WWOX: variants seen among roughly 807,000 people sequenced by gnomAD.
The protein encoded by WWOX is WW domain containing oxidoreductase.
In WWOX, 69 loss-of-function variants were observed where a neutral mutation model predicts 46.2. The ratio of observed to expected loss-of-function variants is 1.49; its 90% CI spans 1.23 to 1.82. The LOEUF (loss-of-function observed/expected upper bound fraction) is 1.82, where lower values mean the gene tolerates loss of function less well. Among genes scored for constraint, WWOX ranks in the 40% most tolerant of loss-of-function variants. The probability of loss-of-function intolerance (pLI) is 0.00; values close to 1 mark genes in which losing one functional copy is unlikely to be tolerated. For missense variants in WWOX, 919 were observed against 542.6 expected (o/e 1.69, Z -6.89); for synonymous variants, 359 against 202.6 (o/e 1.77, Z -6.56).
intron 8 of WWOX, among the ~76,000 whole-genome samples, chr16:79,148,088 A>G (rs1316720560): frequency 2.6e-5 from 4 of 152,162 alleles, no homozygotes; most frequent in Non-Finnish European, 4.4e-5. Flanking sequence ...ATGAGGTCCA[A>G]TTTATCAATT....
intron 8 of WWOX, among the ~76,000 whole-genome samples, chr16:78,956,178 C>T (rs981787937): frequency 6.6e-6 from 1 of 151,858 alleles, no homozygotes; most frequent in East Asian, 2.0e-4. Context: ...TGGAGTCTTG[C>T]TCTGTCACCC....
At chr16:78,426,334 C>T (rs951575153) in intron 7 of WWOX, among the ~76,000 whole-genome samples, 3 of 152,080 alleles carry the variant, frequency 2.0e-5, no homozygotes, top group African/African-American at 7.2e-5. Flanking sequence ...GAGGGCACCA[C>T]GGGATATGTT....
chr16:79,049,190 C>A (rs2048120799), intron 8 of WWOX, among the ~76,000 whole-genome samples: 1 of 152,212 alleles, frequency 6.6e-6, no homozygotes, highest in Non-Finnish European at 1.5e-5. Context: ...CAGTGTAACT[C>A]AAAAGCAGCC....
At chr16:78,802,055 G>T (rs118006985) in intron 8 of WWOX, among the ~76,000 whole-genome samples, 2,543 of 152,122 alleles carry the variant, frequency 0.017, 24 homozygotes, top group Non-Finnish European at 0.024. Context: ...GGCTCTGCTG[G>T]TTATTATTAT....
intron 8 of WWOX, among the ~76,000 whole-genome samples, chr16:78,725,888 G>C (rs1165689277): frequency 6.6e-6 from 1 of 151,770 alleles, no homozygotes; most frequent in African/African-American, 2.4e-5. Context: ...CATTCACATT[G>C]GGTCTCTCTG....
intron 8 of WWOX, among the ~76,000 whole-genome samples, chr16:78,941,428 G>A (rs532195398): frequency 5.9e-5 from 9 of 151,352 alleles, no homozygotes; most frequent in Admixed American, 1.3e-4. Flanking sequence ...GTTGCTCCTC[G>A]TAAGCGCATC....
chr16:78,384,578 G>C (rs145947318), intron 5 of WWOX, among the ~76,000 whole-genome samples: 1 of 152,098 alleles, frequency 6.6e-6, no homozygotes, highest in African/African-American at 2.4e-5. Flanking sequence ...TTATAGGGGG[G>C]ATGTGGCGTC....
intron 8 of WWOX, among the ~76,000 whole-genome samples, chr16:78,708,636 C>G (rs192943006): frequency 9.9e-4 from 151 of 152,274 alleles, no homozygotes; most frequent in Non-Finnish European, 1.6e-3. Context: ...TGCTCAAGAC[C>G]TCACAGTGAA....
intron 3 of WWOX, chr16:78,111,747 C>G (rs1296919777): frequency 6.4e-6 from 1 of 156,992 alleles, no homozygotes; most frequent in Non-Finnish European, 1.4e-5. Flanking sequence ...CTCCTGGTTC[C>G]TCTTTGAAGT....
At chr16:78,494,810 A>G (rs1349777531) in intron 8 of WWOX, among the ~76,000 whole-genome samples, 3 of 152,208 alleles carry the variant, frequency 2.0e-5, no homozygotes, top group Non-Finnish European at 2.9e-5. Context: ...AATTACAGTC[A>G]AGATCCTATA....
At position 78,344,006 on chromosome 16, in the gene WWOX, C is replaced by T. The variant is rs1309711334; in HGVS notation, c.517-42854C>T. ...CTTTTTCTGCCCCTCATGCCGGCTC[C>T]TTCCTCCCACATCACCCCACATTTT... On this transcript the variant is annotated intron_variant, in intron 5 of 8. Coordinates refer to ENST00000566780, the MANE Select transcript of WWOX (RefSeq NM_016373.4). Among the ~76,000 whole-genome samples, 3 of 119,482 alleles carry T rather than the reference C, an allele frequency of 2.5e-5. No homozygotes were observed. The East Asian group carries it at 5.8e-4, about 23-fold the overall frequency. 78.4% of individuals were successfully genotyped at this position (119,482 alleles called of 152,430 possible).
chr16:78,314,608 T>G (rs1184285337), intron 5 of WWOX, among the ~76,000 whole-genome samples: 1 of 142,716 alleles, frequency 7.0e-6, no homozygotes, highest in Non-Finnish European at 1.5e-5. Context: ...CACTGCAACC[T>G]CTACCTCCTG....
At chr16:78,829,041 C>G (rs191261617) in intron 8 of WWOX, among the ~76,000 whole-genome samples, 1 of 152,208 alleles carries the variant, frequency 6.6e-6, no homozygotes, top group Non-Finnish European at 1.5e-5. Flanking sequence ...ATCATAAATT[C>G]TAAACATCAT....
intron 5 of WWOX, among the ~76,000 whole-genome samples, chr16:78,297,748 A>C (rs1461857980): frequency 6.6e-6 from 1 of 152,156 alleles, no homozygotes; most frequent in Admixed American, 6.5e-5. Context: ...GGAATACAAA[A>C]GTCATGACCT....
chr16:78,125,522 C>G (rs2033325432), intron 4 of WWOX, among the ~76,000 whole-genome samples: 1 of 152,084 alleles, frequency 6.6e-6, no homozygotes, highest in Non-Finnish European at 1.5e-5. Flanking sequence ...CGGGGAGGGC[C>G]AAGGCAGATG....
intron 8 of WWOX, among the ~76,000 whole-genome samples, chr16:78,993,296 A>G (rs1048747484): frequency 6.6e-6 from 1 of 152,090 alleles, no homozygotes. Flanking sequence ...GGAGGCCCTG[A>G]AATTGCTTTT....
At chr16:78,580,227 G>A (rs990648423) in intron 8 of WWOX, among the ~76,000 whole-genome samples, 3 of 151,962 alleles carry the variant, frequency 2.0e-5, no homozygotes, top group Non-Finnish European at 4.4e-5. Context: ...GTGTGTGCCA[G>A]CATGCCCGGC....
intron 8 of WWOX, among the ~76,000 whole-genome samples, chr16:78,745,646 C>G (rs1390163119): frequency 7.0e-6 from 1 of 142,622 alleles, no homozygotes; most frequent in African/African-American, 2.6e-5. Context: ...AAACATTAAA[C>G]ATTTTACAGC....
intron 8 of WWOX, among the ~76,000 whole-genome samples, chr16:78,866,463 G>A (rs1245427931): frequency 6.6e-6 from 1 of 151,820 alleles, no homozygotes; most frequent in African/African-American, 2.4e-5. Flanking sequence ...CATATCAGCT[G>A]TGTGGGTACC....
Sources: allele counts gnomAD v4.1 joint callset (sites outside exome capture counted in the v4.1 genomes callset), GRCh38; gene constraint gnomAD v4.1.1; transcripts MANE v1.5; gene names NCBI Gene and HGNC (gene_info 2026-07-23, HGNC 2026-07-21).